The following GABRG3 variants were observed in gnomAD, a reference collection of about 807,000 sequenced individuals.
The protein encoded by GABRG3 is gamma-aminobutyric acid type A receptor subunit gamma3, also known as gamma-aminobutyric acid receptor subunit gamma-3.
A neutral mutation model predicts 48.8 loss-of-function variants in GABRG3; 25 were observed. That is an observed-to-expected ratio of 0.51 (90% confidence interval 0.37 to 0.72). GABRG3 has a LOEUF of 0.72. Ranked by LOEUF, GABRG3 falls within the 30% of genes least tolerant of loss-of-function variation. GABRG3 has a pLI of 0.00. For synonymous variants in GABRG3, 227 were observed against 217.6 expected (o/e 1.04, Z -0.38); for missense variants, 394 against 577.9 (o/e 0.68, Z 3.26).
chr15:26,977,090 A>T lies in GABRG3; in HGVS notation c.142A>T (p.Thr48Ser), dbSNP rs1442641016. Residue 48 changes from threonine (T) to serine (S), a missense_variant, in exon 2 of 10, where the codon ACT (threonine) becomes TCT (serine). By Grantham distance (58) the Thr-to-Ser change is moderately conservative. This residue lies in a region of GABRG3 where 218 missense variants were observed against 309.9 expected (regional missense o/e 0.70). Coordinates refer to ENST00000615808, the MANE Select transcript of GABRG3 (RefSeq NM_033223.5). ...TCCAAAATCCCAAGACACCGACGTG[A>T]CTCTTATTCTCAACAAGTTGCTAAG... The part of the protein sequence containing the change: ...LAPKSQDTDV[T>S]LILNKLLREY... 1 of 1,613,664 alleles carries T rather than the reference A, an allele frequency of 6.2e-7. No homozygotes were observed. The highest frequency in any genetic ancestry group is 8.5e-7 in the Non-Finnish European group (1 of 1,179,840).
chr15:27,312,251 G>A (rs904164864), intron 3 of GABRG3, among the ~76,000 whole-genome samples: 3 of 152,048 alleles, frequency 2.0e-5, no homozygotes, highest in African/African-American at 7.2e-5. Flanking sequence ...AGATTATTCA[G>A]TCATAGGAGC....
intron 2 of GABRG3, among the ~76,000 whole-genome samples, chr15:27,023,560 T>C (rs1246063551): frequency 2.0e-5 from 3 of 152,352 alleles, no homozygotes; most frequent in Non-Finnish European, 4.4e-5. Flanking sequence ...GGAATCATAG[T>C]ATTTGCTCTT....
intron 6 of GABRG3, among the ~76,000 whole-genome samples, chr15:27,487,472 G>A (rs1049782361): frequency 3.3e-5 from 5 of 152,188 alleles, no homozygotes; most frequent in African/African-American, 1.2e-4. Flanking sequence ...ATGGCCTTCA[G>A]CAGTCCACAC....
At chr15:27,238,310 C>T (rs1279874667) in intron 3 of GABRG3, among the ~76,000 whole-genome samples, 4 of 152,352 alleles carry the variant, frequency 2.6e-5, no homozygotes, top group South Asian at 2.1e-4. Flanking sequence ...TGGGCCCTAA[C>T]GCCCACCGGC....
intron 3 of GABRG3, among the ~76,000 whole-genome samples, chr15:27,254,666 C>T (rs1474148587): frequency 6.6e-6 from 1 of 152,084 alleles, no homozygotes; most frequent in Non-Finnish European, 1.5e-5. Flanking sequence ...TCAGGGGCCT[C>T]TTTCATAAGA....
chr15:27,278,792 T>G (rs12101704), intron 3 of GABRG3, among the ~76,000 whole-genome samples: 11,310 of 152,246 alleles, frequency 0.074, 881 homozygotes, highest in African/African-American at 0.19. Context: ...TTCTCTGACA[T>G]AAAAGCCAAG....
chr15:27,098,751 A>G (rs1227760781), intron 3 of GABRG3, among the ~76,000 whole-genome samples: 1 of 152,072 alleles, frequency 6.6e-6, no homozygotes, highest in Non-Finnish European at 1.5e-5. Context: ...CATATGGAAA[A>G]TGACAAAAAT....
At chr15:27,426,743 G>T (rs1293271976) in intron 5 of GABRG3, among the ~76,000 whole-genome samples, 1 of 152,176 alleles carries the variant, frequency 6.6e-6, no homozygotes. Context: ...GAGGCAGGAG[G>T]ATCATTTGAG....
chr15:27,478,727 A>T (rs1566859523), intron 5 of GABRG3, among the ~76,000 whole-genome samples: 1 of 152,234 alleles, frequency 6.6e-6, no homozygotes, highest in Non-Finnish European at 1.5e-5. Context: ...TAATCGTGAA[A>T]AAATGGACTC....
chr15:27,264,713 C>T (rs1426586649), intron 3 of GABRG3, among the ~76,000 whole-genome samples: 1 of 151,868 alleles, frequency 6.6e-6, no homozygotes, highest in Non-Finnish European at 1.5e-5. Flanking sequence ...CAAAAAACCA[C>T]CACCATCACC....
At chr15:27,151,552 G>A (rs1170517833) in intron 3 of GABRG3, among the ~76,000 whole-genome samples, 1 of 152,018 alleles carries the variant, frequency 6.6e-6, no homozygotes, top group African/African-American at 2.4e-5. Flanking sequence ...AGACTTTGAA[G>A]GTGTGATTTG....
At chr15:27,320,405 AG>A (rs1465376823) in intron 3 of GABRG3, among the ~76,000 whole-genome samples, 3 of 152,054 alleles carry the variant, frequency 2.0e-5, no homozygotes, top group African/African-American at 7.2e-5. Context: ...AGGGCTCCAG[AG>A]GTGTGGGTGG....
intron 3 of GABRG3, among the ~76,000 whole-genome samples, chr15:27,045,164 T>A (rs1896341030): frequency 1.3e-5 from 2 of 152,206 alleles, no homozygotes; most frequent in African/African-American, 2.4e-5. Context: ...CTGCATTATA[T>A]ATAAAGGAGC....
chr15:27,339,787 A>G (rs1447326684), intron 5 of GABRG3, among the ~76,000 whole-genome samples: 1 of 152,216 alleles, frequency 6.6e-6, no homozygotes, highest in African/African-American at 2.4e-5. Flanking sequence ...GGTTAAGAAC[A>G]TGATCATAGC....
intron 3 of GABRG3, among the ~76,000 whole-genome samples, chr15:27,323,382 C>T (rs1190011711): frequency 1.3e-5 from 2 of 152,116 alleles, no homozygotes; most frequent in South Asian, 2.1e-4. Flanking sequence ...ATCGCATTGG[C>T]GGGCCCTGGA....
chr15:27,178,222 G>T (rs1233801014), intron 3 of GABRG3, among the ~76,000 whole-genome samples: 1 of 152,226 alleles, frequency 6.6e-6, no homozygotes, highest in African/African-American at 2.4e-5. Flanking sequence ...ATGGAGTATT[G>T]TGTGGAAAGA....
At chr15:27,525,133 A>G (rs1355257092) in intron 7 of GABRG3, among the ~76,000 whole-genome samples, 1 of 152,088 alleles carries the variant, frequency 6.6e-6, no homozygotes, top group African/African-American at 2.4e-5. Flanking sequence ...AGAACAAACT[A>G]TCGATGAAGC....
chr15:27,351,989 T>G (rs1013701874), intron 5 of GABRG3, among the ~76,000 whole-genome samples: 5 of 149,902 alleles, frequency 3.3e-5, no homozygotes. Context: ...GTGTGTATGG[T>G]GTGTGTGTGT....
intron 7 of GABRG3, 137 bp from the exon 8 acceptor site, chr15:27,527,296 A>C: frequency 1.6e-6 from 1 of 630,704 alleles, no homozygotes; most frequent in Non-Finnish European, 2.7e-6. Flanking sequence ...TAAAATTCAA[A>C]GTAACATTAC....
Sources: gnomAD v4.1 joint callset for allele counts (sites outside exome capture counted in the v4.1 genomes callset) on GRCh38, gnomAD v4.1.1 for gene constraint, gnomAD v4.1.1 regional missense constraint, MANE v1.5 for transcripts, NCBI Gene and HGNC (gene_info 2026-07-23, HGNC 2026-07-21) for gene names.